The following FKBP1B variants were observed in gnomAD, a reference collection of about 807,000 sequenced individuals.
FKBP1B encodes FKBP prolyl isomerase 1B, also known as peptidyl-prolyl cis-trans isomerase FKBP1B.
A neutral mutation model predicts 13.5 loss-of-function variants in FKBP1B; 4 were observed. The observed-to-expected ratio is 0.30, with a 90% CI of 0.15 to 0.68. The LOEUF is 0.68. FKBP1B is among the 30% of genes least tolerant of loss of function. The probability of loss-of-function intolerance (pLI) is 0.76; values close to 1 mark genes in which losing one functional copy is unlikely to be tolerated. For synonymous variants in FKBP1B, 54 were observed against 53.6 expected, an observed-to-expected ratio of 1.01 and a Z score of -0.03; for missense variants, 93 against 136.2, an observed-to-expected ratio of 0.68 and a Z score of 1.58.
At chr2:24,059,302 C>G (rs189635408) in intron 2 of FKBP1B, among the ~76,000 whole-genome samples, 369 of 151,274 alleles carry the variant, frequency 2.4e-3, no homozygotes, top group Non-Finnish European at 3.6e-3. Context: ...ACTGAGATGA[C>G]ATGTGGACAT....
chr2:24,063,323 C>CA lies in FKBP1B; in HGVS notation c.*132dup, dbSNP rs1553321780. 3 of 863,584 alleles carry CA rather than the reference C, an allele frequency of 3.5e-6. No homozygotes were observed. In the East Asian group the frequency reaches 8.8e-5, roughly 25 times the overall value. 53.5% of individuals were successfully genotyped at this position (863,584 alleles called of 1,614,324 possible). On this transcript the variant is annotated 3_prime_UTR_variant, in exon 4 of 4. Coordinates refer to ENST00000380986, the MANE Select transcript of FKBP1B (RefSeq NM_004116.5). ...AACCTCACTGCCTCATGGCATCATCCATTCTCTCTGCCCAAGTTGCTCTGT... is the reference window on the plus strand; with the variant it reads ...AACCTCACTGCCTCATGGCATCATCCAATTCTCTCTGCCCAAGTTGCTCTGT...
In FKBP1B at chr2:24,063,549, G is replaced by GGCGT. The variant is rs971962769; in HGVS notation, c.*358_*361dup. ...AGGTGCTCAGACATGAAATGTACAT[G>GGCGT]GCGTACCGTACACAGAGGGACTTGA... On this transcript the variant is annotated 3_prime_UTR_variant, in exon 4 of 4. Coordinates refer to ENST00000380986, the MANE Select transcript of FKBP1B (RefSeq NM_004116.5). 1 of 270,158 alleles carries GGCGT rather than the reference G, an allele frequency of 3.7e-6. No homozygotes were observed. The highest frequency in any genetic ancestry group is 2.2e-5 in the African/African-American group (1 of 46,122). The allele number at this position is 270,158 out of a possible 1,614,324, so 16.7% of individuals were successfully genotyped here. A position where few individuals can be genotyped will look rare whatever the true frequency, so the allele number is the denominator to read the frequency against.
the FKBP1B span, among the ~76,000 whole-genome samples, chr2:24,036,095 A>AATAAATAAATAG: frequency 6.7e-6 from 1 of 150,084 alleles, no homozygotes; most frequent in Non-Finnish European, 1.5e-5. Context: ...TAAATAAATA[A>AATAAATAAATAG]ATAAATAAAT....
At chr2:24,043,675 C>A in the FKBP1B span, among the ~76,000 whole-genome samples, 1 of 152,184 alleles carries the variant, frequency 6.6e-6, no homozygotes, top group Non-Finnish European at 1.5e-5. Context: ...AAACATCTCT[C>A]ACCAGGCCAC....
rs575191874 is a variant in FKBP1B, at chr2:24,050,887, A to G, written c.37+1001A>G. 2.0e-5 allele frequency among the ~76,000 whole-genome samples: 3 copies of G among 152,206 alleles called. No homozygotes were observed. The highest frequency in any genetic ancestry group is 4.4e-5 in the Non-Finnish European group (3 of 68,036). On this transcript the variant is annotated intron_variant, in intron 1 of 3. Transcript: ENST00000380986. This position sits in a 1 kb window ranked among gnomAD's most constrained non-coding sequence, Gnocchi z 5.8. Reference sequence around the variant, plus strand: ...CCCTGGAGTACAGGCTTCTTTGCCCACGCAGGAAACATTGCTGCTGGGTCC... The same window carrying G: ...CCCTGGAGTACAGGCTTCTTTGCCCGCGCAGGAAACATTGCTGCTGGGTCC...
chr2:24,036,105 TA>T, the FKBP1B span, among the ~76,000 whole-genome samples: 5 of 145,728 alleles, frequency 3.4e-5, no homozygotes, highest in East Asian at 7.8e-4. Flanking sequence ...AATAAATAAA[TA>T]AAATAAAATG....
upstream of FKBP1B, among the ~76,000 whole-genome samples, chr2:24,046,824 T>A (rs916390105): frequency 6.6e-6 from 1 of 152,220 alleles, no homozygotes; most frequent in Non-Finnish European, 1.5e-5. Flanking sequence ...GCTGTCAAAC[T>A]TTTTCAGTTA....
upstream of FKBP1B, among the ~76,000 whole-genome samples, chr2:24,046,522 T>C (rs1211312407): frequency 6.6e-6 from 1 of 152,220 alleles, no homozygotes; most frequent in South Asian, 2.1e-4. Context: ...GAGCCGGTGC[T>C]CAGTATATAA....
At chr2:24,057,160 CTTTTCTTTCTTTTTAAAATTT>C (rs1011559715) in intron 2 of FKBP1B, among the ~76,000 whole-genome samples, 2 of 151,434 alleles carry the variant, frequency 1.3e-5, no homozygotes, top group Non-Finnish European at 2.9e-5. Flanking sequence ...ATATTTTCTT[CTTTTCTTTCTTTTTAAAATTT>C]TTTTCTTTCT....
chr2:24,034,020 T>G, the FKBP1B span, among the ~76,000 whole-genome samples: 1 of 152,266 alleles, frequency 6.6e-6, no homozygotes, highest in Admixed American at 6.5e-5. Context: ...ATTTCACGTC[T>G]TATGAAATGT....
At chr2:24,048,851 G>A (rs1028090214), upstream of FKBP1B, among the ~76,000 whole-genome samples, 1 of 152,034 alleles carries the variant, frequency 6.6e-6, no homozygotes, top group South Asian at 2.1e-4. Flanking sequence ...GTGTGTCCCC[G>A]TCCCTCTCAG....
At chr2:24,040,090 C>T in the FKBP1B span, among the ~76,000 whole-genome samples, 3 of 152,190 alleles carry the variant, frequency 2.0e-5, no homozygotes, top group East Asian at 3.9e-4. Flanking sequence ...CATGAGCTCC[C>T]GCGCCCGGCC....
chr2:24,037,709 G>C, the FKBP1B span: 1 of 1,613,572 alleles, frequency 6.2e-7, no homozygotes, highest in Non-Finnish European at 8.5e-7. Context: ...GGAAGATCTT[G>C]AGAGAGTGGA....
At chr2:24,042,210 T>C in the FKBP1B span, among the ~76,000 whole-genome samples, 2 of 151,904 alleles carry the variant, frequency 1.3e-5, no homozygotes, top group African/African-American at 4.8e-5. Flanking sequence ...AAAACCAGCC[T>C]GACCAACGTG....
chr2:24,060,627 A>T (rs577125516), intron 2 of FKBP1B, among the ~76,000 whole-genome samples, 187 bp from the exon 3 acceptor site: 7 of 152,202 alleles, frequency 4.6e-5, no homozygotes, highest in Non-Finnish European at 1.0e-4. Flanking sequence ...ACTTAGTGAT[A>T]GGCAGTATGT....
chr2:24,036,209 A>C, the FKBP1B span, among the ~76,000 whole-genome samples: 1 of 152,022 alleles, frequency 6.6e-6, no homozygotes, highest in African/African-American at 2.4e-5. Flanking sequence ...CCTCTTTAAA[A>C]AAATGTAGGG....
the FKBP1B span, chr2:24,039,508 G>T: frequency 8.7e-6 from 14 of 1,605,912 alleles, no homozygotes; most frequent in African/African-American, 2.7e-5. Context: ...TTTGATAAAG[G>T]TTACCTGAAA....
At chr2:24,061,150 A>G (rs962684939) in intron 3 of FKBP1B, among the ~76,000 whole-genome samples, 6 of 152,072 alleles carry the variant, frequency 3.9e-5, no homozygotes, top group African/African-American at 1.4e-4. Flanking sequence ...TCCCAAGCAC[A>G]TCCCCCTAGG....
At chr2:24,044,265 G>C in the FKBP1B span, among the ~76,000 whole-genome samples, 3 of 151,616 alleles carry the variant, frequency 2.0e-5, no homozygotes, top group South Asian at 2.1e-4. Context: ...AGTTTACTGA[G>C]GTTTTTTTTT....
Sources: allele counts gnomAD v4.1 joint callset (sites outside exome capture counted in the v4.1 genomes callset), GRCh38; gene constraint gnomAD v4.1.1; non-coding constraint Gnocchi (gnomAD v3.1); transcripts MANE v1.5; gene names NCBI Gene and HGNC (gene_info 2026-07-23, HGNC 2026-07-21).